Variants in CDH18 observed in about 807,000 individuals in gnomAD.
CDH18 encodes cadherin 18, also known as cadherin-18.
Under a neutral mutation model 67.9 loss-of-function variants are expected in CDH18, and 31 were observed. The ratio of observed to expected loss-of-function variants is 0.46; its 90% CI spans 0.34 to 0.62. The LOEUF (loss-of-function observed/expected upper bound fraction) is 0.62. Ranked by LOEUF, CDH18 falls within the 20% of genes least tolerant of loss-of-function variation. The pLI is 0.01. For synonymous variants in CDH18, 362 were observed against 347.2 expected (o/e 1.04, Z -0.48); for missense variants, 890 against 975.5 (o/e 0.91, Z 1.17).
chr5:20,148,144 T>G (rs1750807572), intron 2 of CDH18, among the ~76,000 whole-genome samples: 1 of 151,468 alleles, frequency 6.6e-6, no homozygotes, highest in African/African-American at 2.4e-5. Flanking sequence ...CAGGATGGAG[T>G]GTAGCGGTGC....
intron 2 of CDH18, among the ~76,000 whole-genome samples, chr5:19,975,893 T>TA (rs70954627): frequency 0.43 from 64,883 of 151,932 alleles, 16,149 homozygotes; most frequent in Middle Eastern, 0.66. Context: ...GTGTTAAAAA[T>TA]ACCTTTTTGC....
At chr5:19,670,832 T>C (rs1022286542) in intron 5 of CDH18, among the ~76,000 whole-genome samples, 3 of 152,050 alleles carry the variant, frequency 2.0e-5, no homozygotes, top group African/African-American at 7.2e-5. Context: ...AGACTCAAAA[T>C]GCATTGCAGA....
intron 2 of CDH18, among the ~76,000 whole-genome samples, chr5:19,886,589 T>C (rs943014136): frequency 6.6e-6 from 1 of 152,172 alleles, no homozygotes; most frequent in Non-Finnish European, 1.5e-5. Flanking sequence ...TTTGAGTATG[T>C]GTGTTACTCC....
chr5:20,203,494 G>A (rs188073072), intron 2 of CDH18, among the ~76,000 whole-genome samples: 2 of 151,916 alleles, frequency 1.3e-5, no homozygotes, highest in Non-Finnish European at 1.5e-5. Context: ...GACAGGAAGC[G>A]CTTTGATAGT....
At chr5:19,933,873 T>C (rs1793966086) in intron 2 of CDH18, among the ~76,000 whole-genome samples, 1 of 151,472 alleles carries the variant, frequency 6.6e-6, no homozygotes, top group Non-Finnish European at 1.5e-5. Flanking sequence ...AAATGTACTC[T>C]TGTGGCTTCA....
chr5:20,518,354 C>A (rs1208404530), intron 1 of CDH18, among the ~76,000 whole-genome samples: 2 of 152,046 alleles, frequency 1.3e-5, no homozygotes, highest in African/African-American at 4.8e-5. Context: ...TCTTAATCAG[C>A]TAGATAAGGA....
At chr5:20,575,438 G>A (rs1357068622) in intron 1 of CDH18, 4 of 152,114 alleles carry the variant, frequency 2.6e-5, no homozygotes, top group African/African-American at 7.2e-5. Context: ...AAGAAATCCA[G>A]AGATAAAAAT....
intron 2 of CDH18, among the ~76,000 whole-genome samples, chr5:20,191,604 CAT>C (rs1413249682): frequency 6.6e-6 from 1 of 151,982 alleles, no homozygotes; most frequent in East Asian, 2.0e-4. Context: ...TGAATGAGAA[CAT>C]GTGTTTGGTT....
intron 2 of CDH18, among the ~76,000 whole-genome samples, chr5:19,936,031 C>T (rs902766052): frequency 6.6e-6 from 1 of 151,128 alleles, no homozygotes; most frequent in Admixed American, 6.6e-5. Context: ...GATGAAAACT[C>T]ATGTTTAAAA....
chr5:19,718,996 C>G (rs1765675664), intron 5 of CDH18, among the ~76,000 whole-genome samples: 3 of 151,958 alleles, frequency 2.0e-5, no homozygotes, highest in Admixed American at 2.0e-4. Flanking sequence ...TCACAAACTA[C>G]AGCAGTCCAA....
At chr5:19,696,250 TGTGTGTGTGTGC>T (rs1446269267) in intron 5 of CDH18, among the ~76,000 whole-genome samples, 200 of 54,544 alleles carry the variant, frequency 3.7e-3, no homozygotes, top group East Asian at 0.027. Flanking sequence ...TGTGTGTGTG[TGTGTGTGTGTGC>T]GTATTTTTTA....
At chr5:20,054,594 T>A (rs939150539) in intron 2 of CDH18, among the ~76,000 whole-genome samples, 2 of 152,162 alleles carry the variant, frequency 1.3e-5, no homozygotes, top group African/African-American at 2.4e-5. Flanking sequence ...TCCCTTATAG[T>A]TTCTGCTGCA....
intron 12 of CDH18, among the ~76,000 whole-genome samples, chr5:19,476,407 T>C (rs1236718599): frequency 6.6e-6 from 1 of 152,092 alleles, no homozygotes; most frequent in Non-Finnish European, 1.5e-5. Flanking sequence ...GTTGCCTATA[T>C]GTCAAAGACA....
intron 1 of CDH18, among the ~76,000 whole-genome samples, chr5:20,315,409 G>GA (rs1227120623): frequency 1.3e-5 from 2 of 151,858 alleles, no homozygotes; most frequent in Admixed American, 6.6e-5. Context: ...TCTTCTAGAA[G>GA]AAAAAAAGTG....
intron 2 of CDH18, among the ~76,000 whole-genome samples, chr5:20,191,408 T>TA (rs925361347): frequency 3.6e-4 from 54 of 151,818 alleles, no homozygotes; most frequent in African/African-American, 1.3e-3. Context: ...TTATTTCCTC[T>TA]AAAAAAAAGA....
chr5:19,584,334 G>C (rs1375648634), intron 7 of CDH18, among the ~76,000 whole-genome samples: 2 of 152,190 alleles, frequency 1.3e-5, no homozygotes, highest in Non-Finnish European at 2.9e-5. Flanking sequence ...CCTGCTGGCG[G>C]ATTTATAGAG....
Position 20,172,202 on chromosome 5 carries a change from A to ATG in CDH18, c.-518+83241_-518+83242insCA, listed in dbSNP as rs1736798858. ...AATAGCATTGTGTGTATATATATAT[A>ATG]TATATATATATATATATATATGTAT... On this transcript the variant is annotated intron_variant, in intron 2 of 14. Transcript: ENST00000507958. Among the ~76,000 whole-genome samples the ATG allele has an allele frequency of 2.8e-4, 13 of 46,042 alleles. 1 individual carries two copies. The East Asian group carries it at 9.5e-3, about 34-fold the overall frequency. 30.2% of individuals were successfully genotyped at this position (46,042 alleles called of 152,430 possible).
At position 19,571,808 on chromosome 5, in the gene CDH18, A is replaced by ACTT; in HGVS notation, c.1021_1023dup (p.Lys341dup). ...GCTCCTTCTATGTTGAGGGTATATG[A>ACTT]CTTCTTTTTCTCATAGTTCAGTGGC... On this transcript the variant is annotated inframe_insertion, in exon 8 of 13. Coordinates refer to ENST00000382275, the MANE Select transcript of CDH18 (RefSeq NM_004934.5). 6.2e-7 allele frequency: 1 copy of ACTT among 1,613,306 alleles called. No individual in the cohort carries two copies. The highest frequency in any genetic ancestry group is 8.5e-7 in the Non-Finnish European group (1 of 1,179,388).
chr5:19,855,903 G>T (rs1051617024), intron 2 of CDH18, among the ~76,000 whole-genome samples: 1 of 152,076 alleles, frequency 6.6e-6, no homozygotes, highest in African/African-American at 2.4e-5. Context: ...TTTCAAGGTG[G>T]TTTTTAGAAA....
Sources: allele counts gnomAD v4.1 joint callset (sites outside exome capture counted in the v4.1 genomes callset), GRCh38; gene constraint gnomAD v4.1.1; transcripts MANE v1.5; gene names NCBI Gene and HGNC (gene_info 2026-07-23, HGNC 2026-07-21).